The following SLC35F4 variants were observed in gnomAD, a reference collection of about 807,000 sequenced individuals.
SLC35F4 encodes the protein chromosome 14 open reading frame 36.
SLC35F4 carries 24 observed loss-of-function variants against 44.2 expected under a neutral mutation model. The observed-to-expected ratio is 0.54, with a 90% CI of 0.39 to 0.76. The LOEUF (loss-of-function observed/expected upper bound fraction) is 0.76, where lower values mean the gene tolerates loss of function less well. Among genes scored for constraint, SLC35F4 ranks in the 30% least tolerant of loss-of-function variants. The pLI is 0.00. For missense variants in SLC35F4, 562 were observed against 586.1 expected (o/e 0.96, Z 0.42); for synonymous variants, 238 against 223.6 (o/e 1.06, Z -0.57).
At chr14:57,615,393 T>C (rs2071755801) in intron 1 of SLC35F4, among the ~76,000 whole-genome samples, 1 of 152,180 alleles carries the variant, frequency 6.6e-6, no homozygotes, top group Non-Finnish European at 1.5e-5. Flanking sequence ...ATTTCTTCAT[T>C]GTTAACTGCT....
chr14:57,788,237 A>G (rs1046060617), intron 1 of SLC35F4, among the ~76,000 whole-genome samples: 16 of 152,202 alleles, frequency 1.1e-4, no homozygotes, highest in African/African-American at 3.6e-4. Flanking sequence ...ACATATGTGC[A>G]CCTAACACTG....
chr14:57,968,839 G>A (rs1880968564), intron 1 of SLC35F4, among the ~76,000 whole-genome samples: 2 of 152,172 alleles, frequency 1.3e-5, no homozygotes, highest in African/African-American at 4.8e-5. Flanking sequence ...ATTATCAAGT[G>A]TAAAGATGAA....
At chr14:57,712,907 G>A (rs922152512) in intron 1 of SLC35F4, among the ~76,000 whole-genome samples, 15 of 152,108 alleles carry the variant, frequency 9.9e-5, no homozygotes, top group African/African-American at 3.6e-4. Context: ...CCCCACCTTT[G>A]AGGAGTTTCA....
chr14:57,647,073 TG>T (rs1334715555), intron 1 of SLC35F4, among the ~76,000 whole-genome samples: 2 of 152,180 alleles, frequency 1.3e-5, no homozygotes, highest in Non-Finnish European at 2.9e-5. Context: ...AGGTGTCATG[TG>T]GTGCTGAAAA....
At chr14:57,856,187 G>A (rs112351228) in intron 1 of SLC35F4, among the ~76,000 whole-genome samples, 4,190 of 151,986 alleles carry the variant, frequency 0.028, 259 homozygotes, top group African/African-American at 0.096. Context: ...GTCAGGGGGT[G>A]GGGGAGCTAG....
intron 1 of SLC35F4, among the ~76,000 whole-genome samples, chr14:57,879,344 C>T (rs1281890006): frequency 6.6e-6 from 1 of 152,040 alleles, no homozygotes; most frequent in African/African-American, 2.4e-5. Flanking sequence ...TCATTCCTTA[C>T]CCTCGAGCTG....
intron 3 of SLC35F4, among the ~76,000 whole-genome samples, chr14:57,587,177 G>C (rs141176759): frequency 6.6e-6 from 1 of 152,202 alleles, no homozygotes; most frequent in Non-Finnish European, 1.5e-5. Context: ...GTTGGTGGGC[G>C]TGTAAATTAG....
intron 1 of SLC35F4, among the ~76,000 whole-genome samples, chr14:57,774,208 G>C (rs571660439): frequency 6.6e-6 from 1 of 152,220 alleles, no homozygotes; most frequent in East Asian, 1.9e-4. Flanking sequence ...GGGCTGAAAG[G>C]GGAGGAAGCT....
intron 1 of SLC35F4, among the ~76,000 whole-genome samples, chr14:57,708,760 G>A (rs1383413428): frequency 3.9e-5 from 6 of 152,110 alleles, no homozygotes; most frequent in Non-Finnish European, 7.4e-5. Context: ...TAGTGGTCCC[G>A]AATGCCATGC....
chr14:57,614,554 A>G (rs2071696138), intron 1 of SLC35F4, among the ~76,000 whole-genome samples: 1 of 152,272 alleles, frequency 6.6e-6, no homozygotes, highest in Non-Finnish European at 1.5e-5. Flanking sequence ...AAGGATGAAC[A>G]AATGACAGAA....
At chr14:57,597,715 A>C (rs565408876) in intron 1 of SLC35F4, among the ~76,000 whole-genome samples, 1 of 152,316 alleles carries the variant, frequency 6.6e-6, no homozygotes, top group Admixed American at 6.5e-5. Flanking sequence ...GGGAATAGGC[A>C]ATACAGTCAG....
intron 6 of SLC35F4, among the ~76,000 whole-genome samples, chr14:57,568,792 G>T (rs2068335706): frequency 6.6e-6 from 1 of 152,176 alleles, no homozygotes. Context: ...TGCAGGTCGA[G>T]CATTGTGGGA....
intron 1 of SLC35F4, among the ~76,000 whole-genome samples, chr14:57,898,487 G>A (rs1171925582): frequency 6.6e-6 from 1 of 152,230 alleles, no homozygotes; most frequent in Non-Finnish European, 1.5e-5. Flanking sequence ...GCTTTGATCA[G>A]ATCATTACTT....
intron 1 of SLC35F4, among the ~76,000 whole-genome samples, chr14:57,610,635 G>A (rs2071438189): frequency 1.3e-5 from 2 of 152,108 alleles, no homozygotes; most frequent in South Asian, 4.1e-4. Context: ...ATGAAATGTT[G>A]TAGGAGCATG....
intron 1 of SLC35F4, among the ~76,000 whole-genome samples, chr14:57,603,379 C>G (rs137938306): frequency 6.6e-6 from 1 of 152,166 alleles, no homozygotes; most frequent in Non-Finnish European, 1.5e-5. Context: ...TGTTTAGCTA[C>G]CCAGCACCCA....
chr14:57,944,827 A>T (rs1425788594), intron 1 of SLC35F4, among the ~76,000 whole-genome samples: 6 of 152,194 alleles, frequency 3.9e-5, no homozygotes, highest in African/African-American at 1.4e-4. Flanking sequence ...CAGAGCCAGG[A>T]AGGCCATGAG....
chr14:57,600,956 G>A (rs1234793467), intron 1 of SLC35F4, among the ~76,000 whole-genome samples: 2 of 151,820 alleles, frequency 1.3e-5, no homozygotes, highest in South Asian at 2.1e-4. Context: ...GTTCAGCTTG[G>A]TGGATAGTCA....
intron 1 of SLC35F4, among the ~76,000 whole-genome samples, chr14:57,725,076 A>T (rs955329542): frequency 6.6e-6 from 1 of 152,198 alleles, no homozygotes; most frequent in African/African-American, 2.4e-5. Context: ...TTGGATCCCA[A>T]GTGAGTGCTC....
intron 1 of SLC35F4, among the ~76,000 whole-genome samples, chr14:57,650,441 C>A (rs974988253): frequency 9.9e-5 from 15 of 152,124 alleles, no homozygotes; most frequent in Middle Eastern, 3.2e-3. Flanking sequence ...TTCTCCCACA[C>A]CCCTGTCATC....
Sources: allele counts gnomAD v4.1 joint callset (sites outside exome capture counted in the v4.1 genomes callset), GRCh38; gene constraint gnomAD v4.1.1; transcripts MANE v1.5; gene names NCBI Gene and HGNC (gene_info 2026-07-23, HGNC 2026-07-21).